Variants in PHLDB2 observed in about 807,000 individuals in gnomAD.
PHLDB2 encodes the protein pleckstrin homology-like domain family B member 2.
In PHLDB2, 71 loss-of-function variants were observed where a neutral mutation model predicts 123.6. The ratio of observed to expected loss-of-function variants is 0.57; its 90% CI spans 0.47 to 0.70. The LOEUF is 0.70. Ranked by LOEUF, PHLDB2 falls within the 30% of genes least tolerant of loss-of-function variation. PHLDB2 has a pLI of 0.00. For synonymous variants in PHLDB2, 547 were observed against 541.6 expected, an observed-to-expected ratio of 1.01 and a Z score of -0.14; for missense variants, 1,446 against 1,519.5, an observed-to-expected ratio of 0.95 and a Z score of 0.80.
chr3:111,872,225 G>A (rs1392739511), intron 1 of PHLDB2, among the ~76,000 whole-genome samples: 3 of 152,170 alleles, frequency 2.0e-5, no homozygotes, highest in Non-Finnish European at 4.4e-5. Flanking sequence ...AAGGCCTTTG[G>A]GACTGTTTTC....
intron 1 of PHLDB2, among the ~76,000 whole-genome samples, chr3:111,780,271 A>AGAAGAAAGAAGAAGAAG (rs34178824): frequency 1.3e-4 from 1 of 7,770 alleles, no homozygotes; most frequent in Non-Finnish European, 3.0e-4. Context: ...AAGAAGAAGA[A>AGAAGAAAGAAGAAGAAG]AAGAAGAAGA....
chr3:111,963,301 G>A (rs1042651863), intron 13 of PHLDB2, among the ~76,000 whole-genome samples: 5 of 152,136 alleles, frequency 3.3e-5, no homozygotes, highest in African/African-American at 1.2e-4. Flanking sequence ...CTGTGCCTTT[G>A]ACTGTACTGG....
intron 5 of PHLDB2, among the ~76,000 whole-genome samples, chr3:111,920,625 G>C (rs555268989): frequency 6.6e-6 from 1 of 152,324 alleles, no homozygotes; most frequent in South Asian, 2.1e-4. Context: ...TGAGAGAGCA[G>C]AGTTCATATA....
rs543781303 is a variant in PHLDB2, at chr3:111,890,576, A to T, written c.1335+5164A>T. On this transcript the variant is annotated intron_variant, in intron 2 of 17. Coordinates refer to ENST00000431670, the MANE Select transcript of PHLDB2 (RefSeq NM_001134438.2). Reference sequence around the variant, plus strand: ...GATTTCTTTAACTCATTAATGAGGAAACCAGGTGGGGTAAAGCTGGTTCAC... The same window carrying T: ...GATTTCTTTAACTCATTAATGAGGATACCAGGTGGGGTAAAGCTGGTTCAC... Among the ~76,000 whole-genome samples the T allele has an allele frequency of 3.3e-5, 5 of 152,384 alleles. No individual in the cohort carries two copies. The South Asian group carries it at 1.0e-3, about 32-fold the overall frequency.
intron 1 of PHLDB2, among the ~76,000 whole-genome samples, chr3:111,806,046 G>A (rs887955811): frequency 2.0e-5 from 3 of 151,774 alleles, no homozygotes; most frequent in Non-Finnish European, 4.4e-5. Context: ...AGGTCAAAAT[G>A]TTGTTAAAGA....
chr3:111,885,612 G>C (rs562413511), intron 2 of PHLDB2, 200 bp downstream of exon 2: 2 of 754,650 alleles, frequency 2.7e-6, no homozygotes, highest in Non-Finnish European at 4.6e-6. Flanking sequence ...TATCTTGAAG[G>C]CCTCCAGGAA....
chr3:111,874,103 T>C (rs1426364340), intron 1 of PHLDB2, among the ~76,000 whole-genome samples: 2 of 152,192 alleles, frequency 1.3e-5, no homozygotes. Flanking sequence ...CTTGGAAGTT[T>C]GTTTACATCC....
chr3:111,753,272 A>G (rs1236781842), intron 1 of PHLDB2, among the ~76,000 whole-genome samples: 1 of 147,958 alleles, frequency 6.8e-6, no homozygotes, highest in Non-Finnish European at 1.5e-5. Flanking sequence ...CCAACAGTGT[A>G]AAAGTGTTCC....
intron 1 of PHLDB2, among the ~76,000 whole-genome samples, chr3:111,863,574 G>A (rs905265299): frequency 6.6e-6 from 1 of 152,080 alleles, no homozygotes; most frequent in African/African-American, 2.4e-5. Flanking sequence ...ATAACTATGG[G>A]GGTAAAAGGA....
intron 1 of PHLDB2, among the ~76,000 whole-genome samples, chr3:111,743,308 C>T (rs1324654321): frequency 1.3e-5 from 2 of 152,132 alleles, no homozygotes; most frequent in African/African-American, 4.8e-5. Context: ...AGAATTCAAA[C>T]TTTGCCCTGA....
In PHLDB2 at chr3:111,884,605, C is replaced by G. The variant is rs201929433; in HGVS notation, c.528C>G (p.Leu176=). The G allele has an allele frequency of 3.7e-6, 6 of 1,614,150 alleles. No individual in the cohort carries two copies. The Admixed American group carries it at 8.3e-5, about 22-fold the overall frequency. Reference sequence around the variant, plus strand: ...AAGGTCGGAAGGCATCTGGCTCGCTCCTGGCCATGTGGAATGGAAGTTCCC... The same window carrying G: ...AAGGTCGGAAGGCATCTGGCTCGCTGCTGGCCATGTGGAATGGAAGTTCCC... The part of the protein sequence containing the change: ...GLEGRKASGS[L]LAMWNGSSLS... Residue 176 remains leucine, a synonymous_variant, in exon 2 of 18, where the codon CTC becomes CTG. Transcript: ENST00000431670.
At chr3:111,783,546 A>G (rs1464952565) in intron 1 of PHLDB2, among the ~76,000 whole-genome samples, 1 of 152,166 alleles carries the variant, frequency 6.6e-6, no homozygotes, top group African/African-American at 2.4e-5. Context: ...AATGTGTTCA[A>G]ATCTCCAGGT....
chr3:111,951,489 A>T (rs1239984840), intron 10 of PHLDB2, among the ~76,000 whole-genome samples: 4 of 152,222 alleles, frequency 2.6e-5, no homozygotes, highest in Non-Finnish European at 5.9e-5. Flanking sequence ...AAATTTGCTA[A>T]TTCAAATTTG....
chr3:111,945,602 T>C (rs1432953497), intron 9 of PHLDB2, among the ~76,000 whole-genome samples: 1 of 152,142 alleles, frequency 6.6e-6, no homozygotes, highest in East Asian at 1.9e-4. Flanking sequence ...TGTGTGTGTC[T>C]ACTTTGCTGG....
rs1183189864 is a variant in PHLDB2 at position 111,974,659 on chromosome 3, C to T, written c.*96C>T. 1.6e-6 allele frequency: 2 copies of T among 1,266,282 alleles called. No homozygotes were observed. The highest frequency in any genetic ancestry group is 2.7e-5 in the Admixed American group (1 of 37,338). 78.4% of individuals were successfully genotyped at this position (1,266,282 alleles called of 1,614,324 possible). ...CCCAGATGAGAAAACCCAACAGATC[C>T]ATCCCTTGAGCTGTAAACACTCAGA... On this transcript the variant is annotated 3_prime_UTR_variant, in exon 18 of 18. Transcript: ENST00000431670.
Position 111,940,523 on chromosome 3 carries a change from C to G in PHLDB2, c.2287-12C>G, listed in dbSNP as rs2069802986. 6.5e-7 allele frequency: 1 copy of G among 1,534,606 alleles called. No individual in the cohort carries two copies. The highest frequency in any genetic ancestry group is 9.0e-7 in the Non-Finnish European group (1 of 1,115,696). On this transcript the variant is annotated splice_polypyrimidine_tract_variant and intron_variant, in intron 7 of 17. Coordinates refer to ENST00000431670, the MANE Select transcript of PHLDB2 (RefSeq NM_001134438.2). ...AATGTACATCTTCCTATGATCATCT[C>G]TTTTCCTCCAGGAAAAAATTTCTGC...
At chr3:111,940,313 T>G (rs909842240) in intron 7 of PHLDB2, among the ~76,000 whole-genome samples, 1 of 152,228 alleles carries the variant, frequency 6.6e-6, no homozygotes, top group Non-Finnish European at 1.5e-5. Context: ...GATAGGTTTT[T>G]AATCAGTCGA....
At chr3:111,736,858 G>T (rs1469923973) in intron 1 of PHLDB2, among the ~76,000 whole-genome samples, 1 of 152,162 alleles carries the variant, frequency 6.6e-6, no homozygotes, top group Non-Finnish European at 1.5e-5. Context: ...GTGCCCATGA[G>T]CAAAATAAGA....
chr3:111,830,053 A>G (rs2062870373), intron 1 of PHLDB2, among the ~76,000 whole-genome samples: 1 of 151,964 alleles, frequency 6.6e-6, no homozygotes, highest in Admixed American at 6.6e-5. Flanking sequence ...CTAAAGAGAA[A>G]TTTGTAATTT....
Sources: gnomAD v4.1 joint callset for allele counts (sites outside exome capture counted in the v4.1 genomes callset) on GRCh38, gnomAD v4.1.1 for gene constraint, MANE v1.5 for transcripts, NCBI Gene and HGNC (gene_info 2026-07-23, HGNC 2026-07-21) for gene names.